SHB: variants seen among roughly 807,000 people sequenced by gnomAD.
SHB encodes the protein SH2 domain containing adaptor protein B, also known as SH2 domain-containing adapter protein B.
In SHB, 20 loss-of-function variants were observed where a neutral mutation model predicts 52.3. The observed-to-expected ratio is 0.38, with a 90% CI of 0.27 to 0.56. The LOEUF (loss-of-function observed/expected upper bound fraction) is 0.56, where lower values mean the gene tolerates loss of function less well. SHB is among the 20% of genes least tolerant of loss of function. SHB has a pLI of 0.71. For synonymous variants in SHB, 397 were observed against 316.5 expected (o/e 1.25, Z -2.70); for missense variants, 825 against 723.3 (o/e 1.14, Z -1.61).
intron 4 of SHB, among the ~76,000 whole-genome samples, chr9:37,954,532 T>G (rs767031019): frequency 1.6e-4 from 25 of 152,292 alleles, no homozygotes; most frequent in Non-Finnish European, 3.4e-4. Context: ...GGGGGCACTC[T>G]GAGCCGTGAG....
chr9:38,046,668 C>T (rs541742151), intron 1 of SHB, among the ~76,000 whole-genome samples: 12 of 152,318 alleles, frequency 7.9e-5, no homozygotes, highest in East Asian at 1.9e-4. Context: ...AGGGGCAGGA[C>T]GCAAGCCTCT....
rs1821598602 is a variant in SHB, at chr9:38,042,649, T to C, written c.717+25280A>G. On this transcript the variant is annotated intron_variant, in intron 1 of 5. Coordinates refer to ENST00000377707, the MANE Select transcript of SHB (RefSeq NM_003028.3). ...TTTCCACCATGCTCCTCTGTTGGCT[T>C]CCCTCGGAAATCACTTGTGACAGGC... 3.3e-5 allele frequency among the ~76,000 whole-genome samples: 5 copies of C among 152,148 alleles called. No homozygotes were observed. In the South Asian group the frequency reaches 1.0e-3, roughly 31 times the overall value.
In SHB at chr9:37,919,655, GC is replaced by G. The variant is rs1424999545; in HGVS notation, c.*165del. Reference sequence around the variant, plus strand: ...TCTGTCTTTATCCAGGCCTTCTCCAGCCCCCGTAAGTGGCAACAGCATTCTA... The same window carrying G: ...TCTGTCTTTATCCAGGCCTTCTCCAGCCCCGTAAGTGGCAACAGCATTCTA... On this transcript the variant is annotated 3_prime_UTR_variant, in exon 6 of 6. Transcript: ENST00000377707. 3 of 560,068 alleles carry G rather than the reference GC, an allele frequency of 5.4e-6. No homozygotes were observed. Among genetic ancestry groups the G allele is most frequent in the Non-Finnish European group, 9.5e-6 (3 of 314,996 alleles). The allele number at this position is 560,068 out of a possible 1,614,324, so 34.7% of individuals were successfully genotyped here.
intron 1 of SHB, among the ~76,000 whole-genome samples, chr9:38,040,341 G>A (rs1821559141): frequency 6.6e-6 from 1 of 152,218 alleles, no homozygotes; most frequent in African/African-American, 2.4e-5. Context: ...CTGTCGTGAG[G>A]AGGAAACCAG....
chr9:38,001,558 G>A (rs1431359922), intron 2 of SHB, among the ~76,000 whole-genome samples: 1 of 152,210 alleles, frequency 6.6e-6, no homozygotes, highest in Non-Finnish European at 1.5e-5. Flanking sequence ...AAGCCCTTTG[G>A]ACGCTTTGAC....
intron 2 of SHB, among the ~76,000 whole-genome samples, chr9:38,003,900 T>C (rs1002203090): frequency 2.0e-5 from 3 of 152,092 alleles, no homozygotes; most frequent in Non-Finnish European, 2.9e-5. Context: ...TTCCCAATTG[T>C]GTGGGGTGGT....
intron 2 of SHB, among the ~76,000 whole-genome samples, chr9:37,976,302 C>T (rs1820652883): frequency 6.6e-6 from 1 of 152,206 alleles, no homozygotes; most frequent in South Asian, 2.1e-4. Context: ...TCCCAAAGTG[C>T]TGGGATTACA....
chr9:37,958,040 G>A (rs139655931), intron 3 of SHB, among the ~76,000 whole-genome samples: 100 of 152,322 alleles, frequency 6.6e-4, no homozygotes, highest in East Asian at 3.9e-4. Context: ...GTGGAGAGCC[G>A]TTCTGACTGG....
chr9:37,985,335 G>A (rs924025547), intron 2 of SHB, among the ~76,000 whole-genome samples: 2 of 152,240 alleles, frequency 1.3e-5, no homozygotes, highest in African/African-American at 2.4e-5. Flanking sequence ...TGAAGTACTC[G>A]AAGAGAGACA....
At chr9:37,985,555 G>A (rs1289518801) in intron 2 of SHB, among the ~76,000 whole-genome samples, 1 of 152,272 alleles carries the variant, frequency 6.6e-6, no homozygotes, top group Non-Finnish European at 1.5e-5. Context: ...ACTGAGGCGA[G>A]CTTGCTGCTC....
intron 2 of SHB, among the ~76,000 whole-genome samples, chr9:37,992,008 G>C (rs1335631143): frequency 6.6e-6 from 1 of 152,196 alleles, no homozygotes; most frequent in Non-Finnish European, 1.5e-5. Context: ...AGGTAAAGGA[G>C]GAGGTCCAGA....
Position 37,932,019 on chromosome 9 carries a change from C to A in SHB, c.1347-12015G>T, listed in dbSNP as rs115894439. Among the ~76,000 whole-genome samples the A allele has an allele frequency of 8.3e-3, 1,268 of 152,144 alleles. 18 individuals are homozygous for A. The highest frequency in any genetic ancestry group is 0.029 in the African/African-American group (1,203 of 41,502). On this transcript the variant is annotated intron_variant, in intron 5 of 5. Coordinates refer to ENST00000377707, the MANE Select transcript of SHB (RefSeq NM_003028.3). ...GTATATGGCCTGGTGTGGTGGCTCA[C>A]GTCTGTAGTCCCAGCACTTTGGGAG...
chr9:38,049,778 T>C (rs2118162752), intron 1 of SHB, among the ~76,000 whole-genome samples: 1 of 151,792 alleles, frequency 6.6e-6, no homozygotes, highest in East Asian at 1.9e-4. Context: ...CAGGCCAGTA[T>C]TTCAGCAGGT....
At chr9:37,983,484 G>C (rs886100453) in intron 2 of SHB, among the ~76,000 whole-genome samples, 2 of 152,314 alleles carry the variant, frequency 1.3e-5, no homozygotes, top group African/African-American at 4.8e-5. Flanking sequence ...AGGAACCTCT[G>C]GGCAGGGAGG....
intron 2 of SHB, among the ~76,000 whole-genome samples, chr9:37,984,317 C>T (rs929286285): frequency 9.2e-5 from 14 of 152,210 alleles, no homozygotes; most frequent in Admixed American, 5.2e-4. Context: ...ACCTTTGAGC[C>T]TGTTGCCATT....
intron 5 of SHB, among the ~76,000 whole-genome samples, chr9:37,941,015 G>C (rs1299842013): frequency 6.6e-6 from 1 of 152,230 alleles, no homozygotes; most frequent in East Asian, 1.9e-4. Context: ...CGTACAGAGT[G>C]CAAGAGAGGT....
chr9:38,025,385 C>T (rs1413377134), intron 1 of SHB, among the ~76,000 whole-genome samples: 2 of 152,152 alleles, frequency 1.3e-5, no homozygotes, highest in Non-Finnish European at 2.9e-5. Context: ...CTAGGGGGTA[C>T]GAGTGCTCCC....
At chr9:38,051,860 C>A (rs1821755164) in intron 1 of SHB, among the ~76,000 whole-genome samples, 1 of 152,122 alleles carries the variant, frequency 6.6e-6, no homozygotes, top group Non-Finnish European at 1.5e-5. Flanking sequence ...TTGACTGAGC[C>A]CAGCAAACAT....
chr9:37,997,709 G>A (rs1820964354), intron 2 of SHB, among the ~76,000 whole-genome samples: 1 of 152,190 alleles, frequency 6.6e-6, no homozygotes, highest in South Asian at 2.1e-4. Flanking sequence ...GGGCTGTCCA[G>A]CTCCACCACC....
Sources: allele counts gnomAD v4.1 joint callset (sites outside exome capture counted in the v4.1 genomes callset), GRCh38; gene constraint gnomAD v4.1.1; transcripts MANE v1.5; gene names NCBI Gene and HGNC (gene_info 2026-07-23, HGNC 2026-07-21).